CDC42: variants seen among roughly 807,000 people sequenced by gnomAD.
The protein encoded by CDC42 is cell division cycle 42, also known as cell division control protein 42 homolog.
A neutral mutation model predicts 20.8 loss-of-function variants in CDC42; 1 was observed. The ratio of observed to expected loss-of-function variants is 0.05; its 90% CI spans 0.02 to 0.23. The LOEUF (loss-of-function observed/expected upper bound fraction) is 0.23, where lower values mean the gene tolerates loss of function less well. CDC42 is among the 10% of genes least tolerant of loss of function. CDC42 has a pLI of 1.00. For synonymous variants in CDC42, 72 were observed against 84.8 expected, an observed-to-expected ratio of 0.85 and a Z score of 0.83; for missense variants, 49 against 227.9, an observed-to-expected ratio of 0.21 and a Z score of 5.05.
intron 1 of CDC42, among the ~76,000 whole-genome samples, chr1:22,061,911 C>T (rs1484244961): frequency 2.0e-5 from 3 of 151,624 alleles, no homozygotes; most frequent in Non-Finnish European, 4.4e-5. Context: ...CTCCCCATCA[C>T]CCCTATGGAA....
At chr1:22,070,725 A>G (rs1290480017) in intron 1 of CDC42, among the ~76,000 whole-genome samples, 1 of 151,592 alleles carries the variant, frequency 6.6e-6, no homozygotes, top group Admixed American at 6.6e-5. Context: ...CGGCCTTCCA[A>G]AATGCTGGGA....
At chr1:22,066,290 G>A (rs138066260) in intron 1 of CDC42, among the ~76,000 whole-genome samples, 24 of 152,088 alleles carry the variant, frequency 1.6e-4, no homozygotes, top group Non-Finnish European at 2.5e-4. Flanking sequence ...CAGGAGAATC[G>A]CTTGAGCGTG....
chr1:22,094,775 T>C lies in CDC42; in HGVS notation c.*3258T>C, dbSNP rs527433936. Among the ~76,000 whole-genome samples, 2 of 152,334 alleles carry C rather than the reference T, an allele frequency of 1.3e-5. No individual in the cohort carries two copies. Among genetic ancestry groups the C allele is most frequent in the East Asian group, 3.9e-4 (2 of 5,184 alleles). Reference sequence around the variant, plus strand: ...TTGTAATTAGGATACCTGTTAACATTGGTGTACATTTAATGTAGTAGTACT... The same window carrying C: ...TTGTAATTAGGATACCTGTTAACATCGGTGTACATTTAATGTAGTAGTACT... On this transcript the variant is annotated 3_prime_UTR_variant, in exon 6 of 6. Transcript: ENST00000656825.
At chr1:22,067,606 A>C (rs116714944) in intron 1 of CDC42, among the ~76,000 whole-genome samples, 2 of 152,116 alleles carry the variant, frequency 1.3e-5, no homozygotes, top group Non-Finnish European at 2.9e-5. Context: ...CGGCCTCTCA[A>C]TGTGCTGGGT....
At chr1:22,054,908 TATATATATATATA>T (rs1401319977) in intron 1 of CDC42, among the ~76,000 whole-genome samples, 1,061 of 17,582 alleles carry the variant, frequency 0.06, 16 homozygotes, top group East Asian at 0.32. Flanking sequence ...TATATATATA[TATATATATATATA>T]TTTTTTTTTT....
At chr1:22,081,632 C>T in intron 2 of CDC42, 90 bp from the exon 3 acceptor site, 2 of 786,432 alleles carry the variant, frequency 2.5e-6, no homozygotes. Flanking sequence ...TAAGTCTTAG[C>T]AAGGAAACAC....
chr1:22,061,528 C>CTT (rs1404317396), intron 1 of CDC42, among the ~76,000 whole-genome samples: 2 of 86,298 alleles, frequency 2.3e-5, no homozygotes, highest in African/African-American at 4.5e-5. Flanking sequence ...CTTCATGTTT[C>CTT]TTTCTTTTTT....
intron 1 of CDC42, chr1:22,053,305 G>C (rs1645258199): frequency 6.6e-6 from 1 of 151,894 alleles, no homozygotes; most frequent in Non-Finnish European, 1.5e-5. Flanking sequence ...GCCGCGGCGG[G>C]GCGGTGGCAG....
chr1:22,072,483 G>T (rs556390467), intron 1 of CDC42, among the ~76,000 whole-genome samples: 4 of 152,224 alleles, frequency 2.6e-5, no homozygotes, highest in African/African-American at 9.6e-5. Context: ...GGTTGTGGGT[G>T]GGGAGGGATT....
chr1:22,086,646 T>A, intron 4 of CDC42, 23 bp from the exon 5 acceptor site: 1 of 1,609,798 alleles, frequency 6.2e-7, no homozygotes, highest in South Asian at 1.1e-5. Flanking sequence ...AACAAAGGTG[T>A]ATTTTAAAAT....
At chr1:22,070,280 A>G (rs1645470860) in intron 1 of CDC42, among the ~76,000 whole-genome samples, 1 of 152,128 alleles carries the variant, frequency 6.6e-6, no homozygotes, top group African/African-American at 2.4e-5. Flanking sequence ...AAATCAGTGT[A>G]CTTTATGTTC....
At chr1:22,089,475 A>G (rs560303386) in intron 5 of CDC42, among the ~76,000 whole-genome samples, 1 of 152,188 alleles carries the variant, frequency 6.6e-6, no homozygotes, top group African/African-American at 2.4e-5. Context: ...AAGTCCTTCT[A>G]GTTGGTACTG....
At chr1:22,067,709 T>G (rs1374265308) in intron 1 of CDC42, among the ~76,000 whole-genome samples, 1 of 152,088 alleles carries the variant, frequency 6.6e-6, no homozygotes, top group Admixed American at 6.6e-5. Context: ...CTCTGGGGTG[T>G]CTTATAAGGC....
chr1:22,096,482 A>G lies in CDC42; in HGVS notation c.*4965A>G, dbSNP rs1354754306. On this transcript the variant is annotated 3_prime_UTR_variant, in exon 6 of 6. Coordinates refer to ENST00000656825, the MANE Select transcript of CDC42 (RefSeq NM_001791.4). ...AGTAATGTAAAAGTTTTATCTGTGC[A>G]TGCATATTCATGACACATTCATTTG... Among the ~76,000 whole-genome samples, 2 of 152,184 alleles carry G rather than the reference A, an allele frequency of 1.3e-5. No individual in the cohort carries two copies. The highest frequency in any genetic ancestry group is 2.9e-5 in the Non-Finnish European group (2 of 68,038).
chr1:22,084,708 T>G (rs1049298385), intron 3 of CDC42, among the ~76,000 whole-genome samples: 9 of 152,162 alleles, frequency 5.9e-5, no homozygotes, highest in Admixed American at 1.3e-4. Context: ...TGGTGTGATA[T>G]CCAAACAAAT....
chr1:22,094,653 G>A lies in CDC42; in HGVS notation c.*3136G>A, dbSNP rs1645745023. ...TTCAAGCTGGACTTTATGCCACAAG[G>A]GGAGTGTATTCTAAAGGGGAAGAAA... On this transcript the variant is annotated 3_prime_UTR_variant, in exon 6 of 6. Transcript: ENST00000656825. Among the ~76,000 whole-genome samples the A allele has an allele frequency of 1.3e-5, 2 of 152,066 alleles. No individual in the cohort carries two copies. The highest frequency in any genetic ancestry group is 1.3e-4 in the Admixed American group (2 of 15,262).
chr1:22,061,373 A>C, intron 1 of CDC42, among the ~76,000 whole-genome samples: 1 of 149,624 alleles, frequency 6.7e-6, no homozygotes, highest in African/African-American at 2.5e-5. Context: ...GCACCACTGC[A>C]CTTCAGTCTG....
intron 1 of CDC42, among the ~76,000 whole-genome samples, chr1:22,072,392 T>C (rs1019238973): frequency 6.6e-6 from 1 of 152,062 alleles, no homozygotes; most frequent in African/African-American, 2.4e-5. Flanking sequence ...CCACCGTGCC[T>C]GGCCGTTTTA....
intron 1 of CDC42, among the ~76,000 whole-genome samples, chr1:22,075,154 G>A (rs955515134): frequency 6.6e-6 from 1 of 152,192 alleles, no homozygotes; most frequent in Non-Finnish European, 1.5e-5. Flanking sequence ...ACTCCGTTTT[G>A]ATTTTTAGTC....
Sources: gnomAD v4.1 joint callset for allele counts (sites outside exome capture counted in the v4.1 genomes callset) on GRCh38, gnomAD v4.1.1 for gene constraint, MANE v1.5 for transcripts, NCBI Gene and HGNC (gene_info 2026-07-23, HGNC 2026-07-21) for gene names.